Variants in VTI1A observed in about 807,000 individuals in gnomAD.
VTI1A encodes vesicle transport through interaction with t-SNAREs 1A, also known as vesicle transport through interaction with t-SNAREs homolog 1A.
A neutral mutation model predicts 34.9 loss-of-function variants in VTI1A; 22 were observed. The observed-to-expected ratio is 0.63, with a 90% CI of 0.45 to 0.90. VTI1A has a LOEUF of 0.90. VTI1A is among the 40% of genes least tolerant of loss of function. The probability of loss-of-function intolerance (pLI) is 0.00; values close to 1 mark genes in which losing one functional copy is unlikely to be tolerated. For missense variants in VTI1A, 268 were observed against 275.6 expected (o/e 0.97, Z 0.20); for synonymous variants, 87 against 97.3 (o/e 0.89, Z 0.62).
intron 5 of VTI1A, among the ~76,000 whole-genome samples, chr10:112,589,355 C>T (rs1049912239): frequency 6.6e-6 from 1 of 152,132 alleles, no homozygotes; most frequent in African/African-American, 2.4e-5. Flanking sequence ...AAACCCGTTT[C>T]ACTTGGCTCT....
chr10:112,603,537 A>C (rs1282889441), intron 5 of VTI1A, among the ~76,000 whole-genome samples: 1 of 151,754 alleles, frequency 6.6e-6, no homozygotes, highest in African/African-American at 2.4e-5. Flanking sequence ...AGTTGTCATG[A>C]TTTTTCCCAG....
chr10:112,757,006 A>G (rs1590156742), intron 7 of VTI1A, among the ~76,000 whole-genome samples: 1 of 151,410 alleles, frequency 6.6e-6, no homozygotes, highest in African/African-American at 2.4e-5. Context: ...AAATTGCGCC[A>G]CTGCACTCCA....
chr10:112,723,209 T>C (rs913844579), intron 7 of VTI1A, among the ~76,000 whole-genome samples: 44 of 152,184 alleles, frequency 2.9e-4, no homozygotes, highest in Non-Finnish European at 1.5e-5. Flanking sequence ...TCACCATTAT[T>C]GTTTTGTTGT....
the VTI1A span, among the ~76,000 whole-genome samples, chr10:112,850,171 G>A: frequency 1.3e-5 from 2 of 152,042 alleles, no homozygotes; most frequent in African/African-American, 4.8e-5. Flanking sequence ...AAAGCTCTCT[G>A]CAAATACAGC....
In VTI1A at chr10:112,616,179, G is replaced by C. The variant is rs552296699; in HGVS notation, c.428-52039G>C. On this transcript the variant is annotated intron_variant, in intron 5 of 7. Transcript: ENST00000393077. Reference sequence around the variant, plus strand: ...AGCAGTGGGTTGAAATGAGAATAGAGAGCAGTGATTTATAAGTGTACAAGA... The same window carrying C: ...AGCAGTGGGTTGAAATGAGAATAGACAGCAGTGATTTATAAGTGTACAAGA... Among the ~76,000 whole-genome samples, 20 of 152,272 alleles carry C rather than the reference G, an allele frequency of 1.3e-4. 1 individual carries two copies. The South Asian group carries it at 3.5e-3, about 27-fold the overall frequency.
chr10:112,748,265 G>T (rs551102489), intron 7 of VTI1A, among the ~76,000 whole-genome samples: 1 of 152,214 alleles, frequency 6.6e-6, no homozygotes, highest in South Asian at 2.1e-4. Context: ...CCAATTTGGG[G>T]TTGCATTTGG....
chr10:112,595,882 A>G (rs1844615622), intron 5 of VTI1A, among the ~76,000 whole-genome samples: 2 of 152,320 alleles, frequency 1.3e-5, no homozygotes, highest in Middle Eastern at 3.4e-3. Flanking sequence ...TTGTGGCACT[A>G]TTCACAATAG....
At chr10:112,490,059 C>G (rs1332346977) in intron 3 of VTI1A, among the ~76,000 whole-genome samples, 1 of 152,128 alleles carries the variant, frequency 6.6e-6, no homozygotes, top group Middle Eastern at 3.4e-3. Context: ...ATATTTTTAC[C>G]CAGTTGAAAT....
intron 5 of VTI1A, among the ~76,000 whole-genome samples, chr10:112,568,064 A>G (rs992535224): frequency 1.3e-5 from 2 of 152,172 alleles, no homozygotes; most frequent in African/African-American, 4.8e-5. Flanking sequence ...TTCATTTTGG[A>G]GCCCACTGTG....
At chr10:112,563,914 G>T (rs1463595891) in intron 5 of VTI1A, among the ~76,000 whole-genome samples, 1 of 152,080 alleles carries the variant, frequency 6.6e-6, no homozygotes, top group East Asian at 1.9e-4. Context: ...GCAAGGTATA[G>T]CATATTACTT....
chr10:112,796,769 G>A (rs1852690437), intron 7 of VTI1A, among the ~76,000 whole-genome samples: 1 of 152,208 alleles, frequency 6.6e-6, no homozygotes, highest in African/African-American at 2.4e-5. Flanking sequence ...TCTCCTGTCA[G>A]CTAATTTGAT....
intron 7 of VTI1A, among the ~76,000 whole-genome samples, chr10:112,763,419 A>G (rs1410565814): frequency 3.3e-5 from 5 of 149,926 alleles, no homozygotes; most frequent in African/African-American, 1.2e-4. Context: ...AGCCTGGGCT[A>G]CAGAGCGAGA....
intron 5 of VTI1A, among the ~76,000 whole-genome samples, chr10:112,616,587 C>G (rs1845520917): frequency 6.6e-6 from 1 of 151,966 alleles, no homozygotes; most frequent in Non-Finnish European, 1.5e-5. Context: ...AGAGTCAACT[C>G]AAACAGCAAA....
At chr10:112,543,242 G>A (rs1850937174) in intron 5 of VTI1A, among the ~76,000 whole-genome samples, 2 of 152,108 alleles carry the variant, frequency 1.3e-5, no homozygotes, top group African/African-American at 4.8e-5. Flanking sequence ...AGATCCTTGA[G>A]GAATCGCCAC....
At chr10:112,558,166 A>T (rs1410351295) in intron 5 of VTI1A, among the ~76,000 whole-genome samples, 1 of 152,212 alleles carries the variant, frequency 6.6e-6, no homozygotes, top group East Asian at 1.9e-4. Context: ...GTCTCTAAGT[A>T]CCAGAATGGT....
At chr10:112,625,893 T>TA (rs1845905349) in intron 5 of VTI1A, among the ~76,000 whole-genome samples, 1 of 152,038 alleles carries the variant, frequency 6.6e-6, no homozygotes. Context: ...AATAAAAAAT[T>TA]AAAAAACAAA....
At chr10:112,738,758 C>G (rs1288337870) in intron 7 of VTI1A, among the ~76,000 whole-genome samples, 2 of 152,130 alleles carry the variant, frequency 1.3e-5, no homozygotes, top group Non-Finnish European at 2.9e-5. Flanking sequence ...GGGCTGTCCT[C>G]TATTAAGAAG....
intron 5 of VTI1A, among the ~76,000 whole-genome samples, chr10:112,667,871 T>C (rs1156273471): frequency 6.6e-6 from 1 of 152,266 alleles, no homozygotes; most frequent in East Asian, 1.9e-4. Context: ...ACTAGTAACC[T>C]GTAAAAACCA....
chr10:112,505,121 G>A (rs747151965), intron 3 of VTI1A, among the ~76,000 whole-genome samples: 5 of 151,806 alleles, frequency 3.3e-5, no homozygotes, highest in South Asian at 4.2e-4. Context: ...ATATGTTGCC[G>A]AACATTTTTG....
Sources: allele counts gnomAD v4.1 joint callset (sites outside exome capture counted in the v4.1 genomes callset), GRCh38; gene constraint gnomAD v4.1.1; transcripts MANE v1.5; gene names NCBI Gene and HGNC (gene_info 2026-07-23, HGNC 2026-07-21).